PMPCA: variants seen among roughly 807,000 people sequenced by gnomAD.
PMPCA encodes the protein mitochondrial-processing peptidase subunit alpha.
In PMPCA, 47 loss-of-function variants were observed where a neutral mutation model predicts 59.3. The observed-to-expected ratio is 0.79, with a 90% CI of 0.63 to 1.01. The LOEUF (loss-of-function observed/expected upper bound fraction) is 1.01. PMPCA is among the 50% of genes least tolerant of loss of function. The pLI is 0.00. For synonymous variants in PMPCA, 338 were observed against 290.3 expected (o/e 1.16, Z -1.67); for missense variants, 726 against 704.5 (o/e 1.03, Z -0.34).
intron 12 of PMPCA, 169 bp downstream of exon 12, chr9:136,422,145 G>T: frequency 6.5e-7 from 1 of 1,542,520 alleles, no homozygotes; most frequent in Admixed American, 2.0e-5. Context: ...CAGGGTCGTG[G>T]GGTCGCAGAC....
chr9:136,421,379 G>A (rs1835443089), intron 11 of PMPCA, among the ~76,000 whole-genome samples: 1 of 150,460 alleles, frequency 6.6e-6, no homozygotes, highest in Non-Finnish European at 1.5e-5. Flanking sequence ...CAGCAGGGTT[G>A]CCTGTGACTT....
At position 136,418,837 on chromosome 9, in the gene PMPCA, G is replaced by A. The variant is rs1365937480; in HGVS notation, c.1119G>A (p.Trp373Ter). 6.2e-7 allele frequency: 1 copy of A among 1,612,050 alleles called. No homozygotes were observed. Among genetic ancestry groups the A allele is most frequent in the Non-Finnish European group, 8.5e-7 (1 of 1,179,208 alleles). The change falls in exon 10 of 13, where the codon TGG (tryptophan) becomes TGA (stop). Residue 373 changes from tryptophan to a stop codon, truncating the protein, a stop_gained. Coordinates refer to ENST00000371717, the MANE Select transcript of PMPCA (RefSeq NM_015160.3). LOFTEE classifies it high-confidence loss of function. ...TCTCGCTTCCTCCCAGGCACCACTG[G>A]ATGTATAACGCGACCTCCTACCACC... ...LYLNVLNRHH[W>*]MYNATSYHHS...
In PMPCA at chr9:136,414,624, T is replaced by G. The variant is rs1280013483; in HGVS notation, c.509T>G (p.Val170Gly). 1 of 1,612,014 alleles carries G rather than the reference T, an allele frequency of 6.2e-7. No homozygotes were observed. The highest frequency in any genetic ancestry group is 1.1e-5 in the South Asian group (1 of 91,048). ...ACGGTGGTTGCCTTACTGGCTGATGTGGTTCTGCAGCCCCGGCTAACAGGT... is the reference window on the plus strand; with the variant it reads ...ACGGTGGTTGCCTTACTGGCTGATGGGGTTCTGCAGCCCCGGCTAACAGGT... ...LDTVVALLAD[V>G]VLQPRLTDEE... The change falls in exon 5 of 13, where the codon GTG (valine) becomes GGG (glycine). Residue 170 changes from valine (V) to glycine (G), a missense_variant. By Grantham distance (109) the Val-to-Gly change is moderately radical. Transcript: ENST00000371717.
At position 136,412,173 on chromosome 9, in the gene PMPCA, A is replaced by C; in HGVS notation, c.248A>C (p.Lys83Thr). Residue 83 changes from lysine to threonine, a missense_variant, in exon 2 of 13, where the codon AAG (lysine) becomes ACG (threonine). Transcript: ENST00000371717. Reference protein sequence around the residue: ...DNGLRVASQNKFGQFCTVGIL... With the variant: ...DNGLRVASQNTFGQFCTVGIL... ...GGGCTTCGCGTGGCATCTCAGAATA[A>C]GTTTGGACAGTTTTGTACAGTAGGA... 6.2e-7 allele frequency: 1 copy of C among 1,613,874 alleles called. No homozygotes were observed. The highest frequency in any genetic ancestry group is 8.5e-7 in the Non-Finnish European group (1 of 1,179,798).
In PMPCA at chr9:136,416,864, G is replaced by T. The variant is rs115756692; in HGVS notation, c.634-87G>T. On this transcript the variant is annotated intron_variant, in intron 6 of 12. Transcript: ENST00000371717. Reference sequence around the variant, plus strand: ...CTTGCGTCGGATTTTCCCAGGGCTGGCTGCAGATGGGCGCTGGTGCTGCTT... The same window carrying T: ...CTTGCGTCGGATTTTCCCAGGGCTGTCTGCAGATGGGCGCTGGTGCTGCTT... The T allele has an allele frequency of 2.9e-3, 3,753 of 1,303,124 alleles. 76 individuals carry two copies. The African/African-American group carries it at 0.05, about 17-fold the overall frequency. The allele number at this position is 1,303,124 out of a possible 1,614,324, so 80.7% of individuals were successfully genotyped here. A position where few individuals can be genotyped will look rare whatever the true frequency, so the allele number is the denominator to read the frequency against.
chr9:136,412,210 T>C lies in PMPCA; in HGVS notation c.274+11T>C. ...TTTGTACAGTAGGAAGTAAGTACTG[T>C]TGTGTTGTCGTGGGTGGTCCCGCAG... On this transcript the variant is annotated intron_variant, in intron 2 of 12. Coordinates refer to ENST00000371717, the MANE Select transcript of PMPCA (RefSeq NM_015160.3). 1 of 1,599,554 alleles carries C rather than the reference T, an allele frequency of 6.3e-7. No individual in the cohort carries two copies. Among genetic ancestry groups the C allele is most frequent in the Admixed American group, 1.7e-5 (1 of 60,008 alleles).
intron 11 of PMPCA, 79 bp downstream of exon 11, chr9:136,419,185 T>G (rs1588819411): frequency 7.8e-7 from 1 of 1,278,072 alleles, no homozygotes; most frequent in African/African-American, 1.5e-5. Flanking sequence ...AGTGGCCACC[T>G]GTGGGCCTGG....
rs1165375501 is a variant in PMPCA, at chr9:136,416,572, G to GCTCA, written c.633+182_633+185dup. 3 of 659,640 alleles carry GCTCA rather than the reference G, an allele frequency of 4.5e-6. No individual in the cohort carries two copies. In the East Asian group the frequency reaches 8.2e-5, roughly 18 times the overall value. The allele number at this position is 659,640 out of a possible 1,614,324, so 40.9% of individuals were successfully genotyped here. ...GCCTACGCTGGTCTTGCACTCCTGG[G>GCTCA]CTCAGCTCAGGTGATCCTCCTGCCT... On this transcript the variant is annotated intron_variant, in intron 6 of 12. Coordinates refer to ENST00000371717, the MANE Select transcript of PMPCA (RefSeq NM_015160.3).
At chr9:136,414,964 T>C (rs1207660248) in intron 5 of PMPCA, among the ~76,000 whole-genome samples, 2 of 152,038 alleles carry the variant, frequency 1.3e-5, no homozygotes, top group Non-Finnish European at 2.9e-5. Flanking sequence ...TGCTTACACT[T>C]AGAGTCCTAG....
intron 1 of PMPCA, 64 bp downstream of exon 1, chr9:136,410,803 C>G (rs1402914122): frequency 7.8e-7 from 1 of 1,288,472 alleles, no homozygotes; most frequent in Non-Finnish European, 1.0e-6. Context: ...TCTGGACGCT[C>G]CGTCTTCGGT....
chr9:136,414,933 C>T (rs575130186), intron 5 of PMPCA, among the ~76,000 whole-genome samples: 1 of 151,692 alleles, frequency 6.6e-6, no homozygotes, highest in East Asian at 1.9e-4. Flanking sequence ...AAAAAAGATA[C>T]AAGAATTAGC....
At chr9:136,414,491 C>G (rs1835218149) in intron 4 of PMPCA, 62 bp from the exon 5 acceptor site, 1 of 1,135,458 alleles carries the variant, frequency 8.8e-7, no homozygotes, top group Non-Finnish European at 1.3e-6. Flanking sequence ...CCGAGCGTCC[C>G]CTGGCTGTTA....
chr9:136,412,980 A>G, intron 4 of PMPCA, 88 bp downstream of exon 4: 1 of 812,582 alleles, frequency 1.2e-6, no homozygotes, highest in Non-Finnish European at 2.1e-6. Context: ...AGCCCCTCCC[A>G]GCGGGAGGTG....
intron 7 of PMPCA, 38 bp downstream of exon 7, chr9:136,417,252 A>T: frequency 1.7e-5 from 26 of 1,524,544 alleles, no homozygotes; most frequent in Non-Finnish European, 2.2e-5. Context: ...TCGGGTGGGG[A>T]ACACGTCCCC....
chr9:136,418,980 C>CCT, intron 10 of PMPCA, 62 bp downstream of exon 10: 1 of 1,600,594 alleles, frequency 6.2e-7, no homozygotes, highest in Non-Finnish European at 8.6e-7. Flanking sequence ...GGCGTCCCTG[C>CCT]CTAGACGGGT....
Position 136,419,040 on chromosome 9 carries a change from G to C in PMPCA, c.1201-4G>C. ...CACTGTTATCGTCTTGCCCTTCTTC[G>C]CAGGTTCGAGAAATGGTAGAAATCA... On this transcript the variant is annotated splice_polypyrimidine_tract_variant and splice_region_variant and intron_variant, in intron 10 of 12. Transcript: ENST00000371717. The C allele has an allele frequency of 6.2e-7, 1 of 1,613,608 alleles. No homozygotes were observed. The highest frequency in any genetic ancestry group is 8.5e-7 in the Non-Finnish European group (1 of 1,179,454).
intron 1 of PMPCA, 88 bp downstream of exon 1, chr9:136,410,827 AT>A: frequency 8.8e-7 from 1 of 1,133,346 alleles, no homozygotes; most frequent in Non-Finnish European, 1.1e-6. Context: ...TACAGGTGAC[AT>A]GGCGCCCGTG....
At position 136,416,302 on chromosome 9, in the gene PMPCA, G is replaced by A. The variant is rs868320996; in HGVS notation, c.544G>A (p.Glu182Lys). 5.0e-6 allele frequency: 8 copies of A among 1,613,322 alleles called. No homozygotes were observed. Among genetic ancestry groups the A allele is most frequent in the Middle Eastern group, 1.7e-4 (1 of 5,820 alleles). The change falls in exon 6 of 13, where the codon GAG becomes AAG. Residue 182 changes from glutamate (E) to lysine (K), a missense_variant. Transcript: ENST00000371717. ...LQPRLTDEEV[E>K]MTRMAVQFEL... ...GGGTTCTCTTGCAGATGAAGAAGTC[G>A]AGATGACGCGGATGGCGGTCCAGTT...
chr9:136,422,002 G>A (rs745501833), intron 12 of PMPCA, 26 bp downstream of exon 12: 1 of 1,589,698 alleles, frequency 6.3e-7, no homozygotes, highest in Admixed American at 1.8e-5. Context: ...GTAGTGAGGG[G>A]CTGCCGCAGG....
Sources: allele counts gnomAD v4.1 joint callset (sites outside exome capture counted in the v4.1 genomes callset), GRCh38; gene constraint gnomAD v4.1.1; transcripts MANE v1.5; gene names NCBI Gene and HGNC (gene_info 2026-07-23, HGNC 2026-07-21).